CCDC192: variants seen among roughly 807,000 people sequenced by gnomAD.
CCDC192 encodes the protein coiled-coil domain-containing protein 192.
chr5:127,736,908 GT>G (rs201773520), intron 2 of CCDC192, among the ~76,000 whole-genome samples: 43,597 of 148,504 alleles, frequency 0.29, 6,583 homozygotes, highest in South Asian at 0.42. Flanking sequence ...TTTTTGAAGG[GT>G]TTTTTGTGTC....
intron 6 of CCDC192, among the ~76,000 whole-genome samples, chr5:127,891,023 C>G (rs934061959): frequency 1.3e-5 from 2 of 152,134 alleles, no homozygotes; most frequent in Non-Finnish European, 2.9e-5. Context: ...TCTCTTCATC[C>G]CCTCTATGTA....
rs960241406 is a variant in CCDC192 at position 127,752,811 on chromosome 5, C to T, written c.115-1457C>T. 1.6e-4 allele frequency among the ~76,000 whole-genome samples: 25 copies of T among 152,290 alleles called. No individual in the cohort carries two copies. The East Asian group carries it at 2.5e-3, about 15-fold the overall frequency. On this transcript the variant is annotated intron_variant, in intron 2 of 6. Coordinates refer to ENST00000514853, the MANE Select transcript of CCDC192 (RefSeq NM_001317938.2). ...CTGAGCCAGGTGCGAGATATAATCT[C>T]GTGGTGCGCCGTTTTTTAAGCCGGT...
chr5:127,730,821 T>C (rs1278261294), intron 2 of CCDC192, among the ~76,000 whole-genome samples: 1 of 152,198 alleles, frequency 6.6e-6, no homozygotes, highest in Non-Finnish European at 1.5e-5. Flanking sequence ...TCAACATCAC[T>C]TTATGTTAAA....
At position 127,711,283 on chromosome 5, in the gene CCDC192, A is replaced by G. The variant is rs931478738; in HGVS notation, c.114+3523A>G. The stretch of plus-strand genomic sequence containing the variant: ...AAAACTAGGCTTATTATAAAATCCC[A>G]TAAGCCCTTTAGCTTTCAAGTAGTA... On this transcript the variant is annotated intron_variant, in intron 2 of 6. Coordinates refer to ENST00000514853, the MANE Select transcript of CCDC192 (RefSeq NM_001317938.2). 3.3e-5 allele frequency among the ~76,000 whole-genome samples: 5 copies of G among 152,330 alleles called. No homozygotes were observed. In the East Asian group the frequency reaches 9.6e-4, roughly 29 times the overall value.
chr5:127,875,498 G>C (rs957060598), intron 5 of CCDC192, 40 bp from the exon 6 acceptor site: 35 of 391,712 alleles, frequency 8.9e-5, no homozygotes, highest in African/African-American at 7.4e-4. Context: ...TGATGCGTCT[G>C]TCCCTAGTGA....
At chr5:127,720,634 A>G (rs761633933) in intron 2 of CCDC192, among the ~76,000 whole-genome samples, 26 of 152,238 alleles carry the variant, frequency 1.7e-4, no homozygotes, top group Non-Finnish European at 3.8e-4. Context: ...TCTCCTCCAC[A>G]CTGCCCTAGT....
chr5:127,803,947 G>C (rs1757642576), intron 5 of CCDC192, among the ~76,000 whole-genome samples: 1 of 152,182 alleles, frequency 6.6e-6, no homozygotes, highest in Admixed American at 6.5e-5. Context: ...AAAAGTGTAG[G>C]ACAGATGAGT....
intron 5 of CCDC192, chr5:127,857,905 A>T (rs1362786640): frequency 6.6e-6 from 1 of 152,338 alleles, no homozygotes; most frequent in African/African-American, 2.4e-5. Flanking sequence ...TCATACCCAC[A>T]AATACCCTCA....
rs1035145836 is a variant in CCDC192 at position 127,743,873 on chromosome 5, G to A, written c.115-10395G>A. ...TGGGAAGCCGAGGCGGGTGGATCAC[G>A]AGGTCGGGAGATCGAGACCATCCTG... On this transcript the variant is annotated intron_variant, in intron 2 of 6. Coordinates refer to ENST00000514853, the MANE Select transcript of CCDC192 (RefSeq NM_001317938.2). Among the ~76,000 whole-genome samples, 6 of 152,028 alleles carry A rather than the reference G, an allele frequency of 3.9e-5. No individual in the cohort carries two copies. In the East Asian group the frequency reaches 9.6e-4, roughly 24 times the overall value.
chr5:127,784,468 G>T, intron 3 of CCDC192: 2 of 325,046 alleles, frequency 6.2e-6, no homozygotes, highest in South Asian at 2.8e-5. Context: ...ATGTAAATCT[G>T]AGACCAGCTG....
intron 6 of CCDC192, among the ~76,000 whole-genome samples, chr5:127,903,747 C>A (rs1753120807): frequency 6.6e-6 from 1 of 152,044 alleles, no homozygotes; most frequent in Non-Finnish European, 1.5e-5. Flanking sequence ...GGTCTGAAGT[C>A]CAATTTTAGG....
intron 6 of CCDC192, among the ~76,000 whole-genome samples, chr5:127,927,420 C>T (rs540170570): frequency 1.3e-3 from 192 of 152,052 alleles, no homozygotes; most frequent in African/African-American, 4.5e-3. Flanking sequence ...CAGGCATCCA[C>T]GGGGGGTCTT....
chr5:127,903,117 C>T (rs1753089640), intron 6 of CCDC192, among the ~76,000 whole-genome samples: 1 of 152,068 alleles, frequency 6.6e-6, no homozygotes, highest in African/African-American at 2.4e-5. Context: ...TCTTCCATTG[C>T]TGTAAAGAGG....
intron 6 of CCDC192, among the ~76,000 whole-genome samples, chr5:127,933,126 C>A (rs1754088434): frequency 6.6e-6 from 1 of 152,112 alleles, no homozygotes; most frequent in African/African-American, 2.4e-5. Flanking sequence ...GGAAATGTTG[C>A]ATTTACTCTG....
chr5:127,830,682 G>T (rs1749747432), intron 5 of CCDC192, among the ~76,000 whole-genome samples: 1 of 151,776 alleles, frequency 6.6e-6, no homozygotes, highest in Admixed American at 6.6e-5. Context: ...TTTGTGAGGT[G>T]GGGGACACAA....
chr5:127,909,801 A>G (rs1172203386), intron 6 of CCDC192, among the ~76,000 whole-genome samples: 3 of 152,242 alleles, frequency 2.0e-5, no homozygotes, highest in African/African-American at 7.2e-5. Flanking sequence ...GTCAAAATAG[A>G]TGAATAGAAG....
At chr5:127,768,878 T>G (rs1380047297) in intron 3 of CCDC192, among the ~76,000 whole-genome samples, 1 of 149,886 alleles carries the variant, frequency 6.7e-6, no homozygotes, top group African/African-American at 2.4e-5. Context: ...GACAGGTAAT[T>G]TTTAAAGTGC....
chr5:127,799,332 A>T (rs955589427), intron 5 of CCDC192, among the ~76,000 whole-genome samples: 1 of 152,218 alleles, frequency 6.6e-6, no homozygotes, highest in African/African-American at 2.4e-5. Flanking sequence ...TTTTAACTCT[A>T]AATTCAGAAT....
chr5:127,806,209 G>A (rs1757772124), intron 5 of CCDC192, among the ~76,000 whole-genome samples: 1 of 152,204 alleles, frequency 6.6e-6, no homozygotes, highest in Non-Finnish European at 1.5e-5. Context: ...CTAATTAGTT[G>A]TTGGCTTTAC....
Sources: gnomAD v4.1 joint callset for allele counts (sites outside exome capture counted in the v4.1 genomes callset) on GRCh38, gnomAD v4.1.1 for gene constraint, MANE v1.5 for transcripts, NCBI Gene and HGNC (gene_info 2026-07-23, HGNC 2026-07-21) for gene names.